SCHIP1: variants seen among roughly 807,000 people sequenced by gnomAD.
SCHIP1 encodes schwannomin interacting protein 1.
SCHIP1 carries 8 observed loss-of-function variants against 29.7 expected under a neutral mutation model. The ratio of observed to expected loss-of-function variants is 0.27; its 90% CI spans 0.16 to 0.49. The LOEUF is 0.49. Among genes scored for constraint, SCHIP1 ranks in the 20% least tolerant of loss-of-function variants. The pLI is 0.99. For missense variants in SCHIP1, 193 were observed against 294.6 expected (o/e 0.66, Z 2.52); for synonymous variants, 76 against 94.9 (o/e 0.80, Z 1.16).
the SCHIP1 span, among the ~76,000 whole-genome samples, chr3:159,757,945 A>G: frequency 2.6e-5 from 4 of 152,268 alleles, no homozygotes; most frequent in South Asian, 8.3e-4. Context: ...GATAAGCTAA[A>G]CACTTTAAAG....
chr3:159,546,615 C>T, the SCHIP1 span, among the ~76,000 whole-genome samples: 1 of 152,096 alleles, frequency 6.6e-6, no homozygotes, highest in Non-Finnish European at 1.5e-5. Flanking sequence ...ATGTTCCCCT[C>T]CCTGTGTCCA....
At chr3:159,386,382 G>A in the SCHIP1 span, among the ~76,000 whole-genome samples, 1 of 152,146 alleles carries the variant, frequency 6.6e-6, no homozygotes, top group Non-Finnish European at 1.5e-5. Context: ...AATAAGAGAG[G>A]ACACAAACAA....
At chr3:159,376,790 G>A in the SCHIP1 span, among the ~76,000 whole-genome samples, 1 of 152,108 alleles carries the variant, frequency 6.6e-6, no homozygotes, top group East Asian at 1.9e-4. Flanking sequence ...CGCAGCTTAT[G>A]GGCCTGGACA....
the SCHIP1 span, among the ~76,000 whole-genome samples, chr3:159,427,706 T>C: frequency 6.6e-6 from 1 of 151,940 alleles, no homozygotes; most frequent in South Asian, 2.1e-4. Context: ...TTAAAGTTCA[T>C]ATGGAACCAA....
intron 2 of SCHIP1, among the ~76,000 whole-genome samples, chr3:159,878,170 CCTTTT>C (rs1355466492): frequency 6.6e-6 from 1 of 152,218 alleles, no homozygotes; most frequent in Non-Finnish European, 1.5e-5. Context: ...CATGTTCTTT[CCTTTT>C]CTTTTTTAAA....
At chr3:159,583,190 A>G in the SCHIP1 span, among the ~76,000 whole-genome samples, 1 of 152,136 alleles carries the variant, frequency 6.6e-6, no homozygotes, top group Non-Finnish European at 1.5e-5. Context: ...CTTAACTGCA[A>G]TCATTTCACG....
At chr3:159,530,903 T>C in the SCHIP1 span, among the ~76,000 whole-genome samples, 5 of 152,204 alleles carry the variant, frequency 3.3e-5, no homozygotes, top group Non-Finnish European at 7.3e-5. Context: ...AAGAGTACCC[T>C]TCTGTGTTGC....
chr3:159,690,521 T>C, the SCHIP1 span, among the ~76,000 whole-genome samples: 1 of 152,352 alleles, frequency 6.6e-6, no homozygotes, highest in Non-Finnish European at 1.5e-5. Flanking sequence ...AGTCTATCTA[T>C]TTTGTTAATC....
the SCHIP1 span, among the ~76,000 whole-genome samples, chr3:159,363,538 T>C: frequency 1.3e-5 from 2 of 152,148 alleles, no homozygotes; most frequent in African/African-American, 4.8e-5. Context: ...ACCAGACAGA[T>C]AGACATCTGT....
the SCHIP1 span, among the ~76,000 whole-genome samples, chr3:159,604,479 A>C: frequency 1.3e-5 from 2 of 152,164 alleles, no homozygotes; most frequent in Admixed American, 6.5e-5. Flanking sequence ...CTTAACTGGC[A>C]TTGCTGAGTG....
the SCHIP1 span, chr3:159,274,641 C>T: frequency 6.1e-6 from 5 of 818,298 alleles, no homozygotes; most frequent in Non-Finnish European, 7.4e-6. Context: ...TTATATGACA[C>T]AACCAACGAA....
At chr3:159,434,443 G>T in the SCHIP1 span, among the ~76,000 whole-genome samples, 4 of 152,074 alleles carry the variant, frequency 2.6e-5, no homozygotes, top group Admixed American at 6.6e-5. Flanking sequence ...AAAAAAGTCT[G>T]GTGTTAGATG....
the SCHIP1 span, among the ~76,000 whole-genome samples, chr3:159,279,277 C>T: frequency 1.1e-4 from 17 of 152,192 alleles, no homozygotes; most frequent in African/African-American, 3.9e-4. Context: ...CCTGCACACA[C>T]GCTCTTGCCT....
the SCHIP1 span, among the ~76,000 whole-genome samples, chr3:159,370,288 T>G: frequency 1.3e-5 from 2 of 152,150 alleles, no homozygotes; most frequent in African/African-American, 4.8e-5. Flanking sequence ...CAACAGACCA[T>G]GCACACTCCC....
chr3:159,709,330 C>G, the SCHIP1 span, among the ~76,000 whole-genome samples: 6 of 151,998 alleles, frequency 3.9e-5, no homozygotes, highest in African/African-American at 1.4e-4. Flanking sequence ...TGATATTGTT[C>G]TAGTTTTGTA....
chr3:159,627,050 C>A, the SCHIP1 span, among the ~76,000 whole-genome samples: 21 of 152,242 alleles, frequency 1.4e-4, no homozygotes, highest in African/African-American at 4.8e-4. Context: ...CCCCGACGGG[C>A]CCCGGTGTGT....
chr3:159,750,902 C>T, the SCHIP1 span, among the ~76,000 whole-genome samples: 1 of 35,638 alleles, frequency 2.8e-5, no homozygotes, highest in Non-Finnish European at 6.6e-5. Flanking sequence ...TCCAAACAAA[C>T]AAAAAAAAAT....
chr3:159,531,507 T>C, the SCHIP1 span, among the ~76,000 whole-genome samples: 25 of 152,222 alleles, frequency 1.6e-4, no homozygotes, highest in African/African-American at 5.3e-4. Flanking sequence ...CTTAGTAAGA[T>C]AGCTTACATA....
chr3:159,701,274 G>A, the SCHIP1 span, among the ~76,000 whole-genome samples: 5,789 of 151,858 alleles, frequency 0.038, 369 homozygotes, highest in African/African-American at 0.13. Flanking sequence ...CTTTTTTATG[G>A]TTAATAAACT....
Sources: gnomAD v4.1 joint callset for allele counts (sites outside exome capture counted in the v4.1 genomes callset) on GRCh38, gnomAD v4.1.1 for gene constraint, MANE v1.5 for transcripts, NCBI Gene and HGNC (gene_info 2026-07-23, HGNC 2026-07-21) for gene names.